PCDHGB3: variants seen among roughly 807,000 people sequenced by gnomAD.
PCDHGB3 encodes protocadherin gamma subfamily B, 3.
PCDHGB3 carries 40 observed loss-of-function variants against 59.2 expected under a neutral mutation model. That is an observed-to-expected ratio of 0.68 (90% CI 0.52 to 0.88). PCDHGB3 has a LOEUF of 0.88. PCDHGB3 is among the 40% of genes least tolerant of loss of function. The pLI is 0.00. For missense variants in PCDHGB3, 1,309 were observed against 1,187.9 expected, an observed-to-expected ratio of 1.10 and a Z score of -1.50; for synonymous variants, 581 against 503.6, an observed-to-expected ratio of 1.15 and a Z score of -2.06.
At chr5:141,393,709 G>A (rs941272065) in intron 1 of PCDHGB3, 14 of 1,613,826 alleles carry the variant, frequency 8.7e-6, no homozygotes, top group Non-Finnish European at 9.3e-6. Context: ...GAAAATACTG[G>A]GGAAATATCA....
At chr5:141,427,092 G>T in intron 1 of PCDHGB3, 1 of 458,134 alleles carries the variant, frequency 2.2e-6, no homozygotes, top group Non-Finnish European at 4.4e-6. Flanking sequence ...CCAGGATGAG[G>T]GTGTCAATGC....
At chr5:141,441,736 T>C in intron 1 of PCDHGB3, 1 of 365,328 alleles carries the variant, frequency 2.7e-6, no homozygotes. Flanking sequence ...CAGGACTAGC[T>C]CGCGCTCGGC....
At chr5:141,437,338 C>T (rs1328789308) in intron 1 of PCDHGB3, among the ~76,000 whole-genome samples, 1 of 152,196 alleles carries the variant, frequency 6.6e-6, no homozygotes, top group Non-Finnish European at 1.5e-5. Flanking sequence ...TGTAGCTTCA[C>T]TGTTTTATAG....
At chr5:141,399,464 C>T (rs747827208) in intron 1 of PCDHGB3, 4 of 1,614,018 alleles carry the variant, frequency 2.5e-6, no homozygotes, top group South Asian at 1.1e-5. Flanking sequence ...GATAACGCTC[C>T]GGTTTTCCAC....
chr5:141,484,230 G>A (rs1325484143), intron 1 of PCDHGB3, among the ~76,000 whole-genome samples: 2 of 152,174 alleles, frequency 1.3e-5, no homozygotes, highest in Non-Finnish European at 2.9e-5. Flanking sequence ...CAGGTAAAGA[G>A]ATCTGGTCCT....
chr5:141,438,627 TATATATATACACACAC>T (rs1396288881), intron 1 of PCDHGB3, among the ~76,000 whole-genome samples: 69 of 48,002 alleles, frequency 1.4e-3, no homozygotes, highest in Admixed American at 2.8e-3. Flanking sequence ...TATATATATA[TATATATATACACACAC>T]ACACACACAT....
In PCDHGB3 at chr5:141,481,831, G is replaced by A. The variant is rs35816779; in HGVS notation, c.2416-12976G>A. On this transcript the variant is annotated intron_variant, in intron 1 of 3. Coordinates refer to ENST00000576222, the MANE Select transcript of PCDHGB3 (RefSeq NM_018924.5). ...ACCAGGCGTGGTGGCTGAGGCAGGAGAATCGCTTGATGGTGGAGGTTGCAG... is the reference window on the plus strand; with the variant it reads ...ACCAGGCGTGGTGGCTGAGGCAGGAAAATCGCTTGATGGTGGAGGTTGCAG... Among the ~76,000 whole-genome samples the A allele has an allele frequency of 1.9e-3, 280 of 149,560 alleles. 1 individual carries two copies. The highest frequency in any genetic ancestry group is 0.01 in the Middle Eastern group (3 of 290).
At chr5:141,457,125 C>T (rs1011977795) in intron 1 of PCDHGB3, among the ~76,000 whole-genome samples, 3 of 152,236 alleles carry the variant, frequency 2.0e-5, no homozygotes, top group Admixed American at 6.5e-5. Flanking sequence ...GCAATGGAAA[C>T]TCTGTCCAAT....
At chr5:141,408,917 C>T (rs549266523) in intron 1 of PCDHGB3, 2 of 1,613,248 alleles carry the variant, frequency 1.2e-6, no homozygotes, top group Non-Finnish European at 8.5e-7. Context: ...CAATGATAAC[C>T]CCCCGGTTTT....
At chr5:141,418,901 A>G in intron 1 of PCDHGB3, 1 of 1,614,016 alleles carries the variant, frequency 6.2e-7, no homozygotes, top group East Asian at 2.2e-5. Context: ...CCCAGAAATA[A>G]TCATCACGTC....
chr5:141,426,094 G>C (rs2096914562), intron 1 of PCDHGB3, among the ~76,000 whole-genome samples: 1 of 152,350 alleles, frequency 6.6e-6, no homozygotes, highest in African/African-American at 2.4e-5. Flanking sequence ...ACGATATTCT[G>C]TTCAGTCACA....
intron 1 of PCDHGB3, chr5:141,393,269 T>C (rs1481759237): frequency 1.2e-6 from 2 of 1,613,832 alleles, no homozygotes; most frequent in Non-Finnish European, 1.7e-6. Flanking sequence ...GAGCACGTTA[T>C]CCACTCCCAG....
At chr5:141,423,977 G>A in intron 1 of PCDHGB3, 4 of 1,121,548 alleles carry the variant, frequency 3.6e-6, no homozygotes, top group Non-Finnish European at 4.4e-6. Context: ...ATCAGTGTAT[G>A]AGGCTCTCAA....
At chr5:141,425,069 A>G (rs771114613) in intron 1 of PCDHGB3, among the ~76,000 whole-genome samples, 1 of 152,170 alleles carries the variant, frequency 6.6e-6, no homozygotes. Context: ...GACAAAAATA[A>G]TTTCAACTGT....
chr5:141,394,152 G>A lies in PCDHGB3; in HGVS notation c.2415+21343G>A, dbSNP rs141035845. 5.0e-3 allele frequency: 8,040 copies of A among 1,613,782 alleles called. 48 individuals are homozygous for A. Among genetic ancestry groups the A allele is most frequent in the Admixed American group, 9.4e-3 (566 of 59,984 alleles). On this transcript the variant is annotated intron_variant, in intron 1 of 3. Coordinates refer to ENST00000576222, the MANE Select transcript of PCDHGB3 (RefSeq NM_018924.5). ...CGCTCTGCACGTGGCAGACATTAAC[G>A]ACAACCCTCCTACTTTCCCTCATGC...
At chr5:141,418,530 G>C in intron 1 of PCDHGB3, 1 of 1,613,952 alleles carries the variant, frequency 6.2e-7, no homozygotes, top group Non-Finnish European at 8.5e-7. Flanking sequence ...CCCCGAAGCG[G>C]TACTGCTCAG....
intron 1 of PCDHGB3, chr5:141,404,933 A>C (rs2094586796): frequency 6.2e-7 from 1 of 1,613,764 alleles, no homozygotes; most frequent in Non-Finnish European, 8.5e-7. Flanking sequence ...TGTCACGCTC[A>C]CAGTAGCCAT....
At chr5:141,445,573 A>G (rs1311326050) in intron 1 of PCDHGB3, among the ~76,000 whole-genome samples, 1 of 152,248 alleles carries the variant, frequency 6.6e-6, no homozygotes, top group Admixed American at 6.5e-5. Flanking sequence ...AGCTTATAGT[A>G]GGGAAGCTTC....
chr5:141,483,904 T>A (rs11750647), intron 1 of PCDHGB3, among the ~76,000 whole-genome samples: 24,531 of 151,676 alleles, frequency 0.16, 2,105 homozygotes, highest in African/African-American at 0.21. Context: ...CTCTGGTGTG[T>A]TTCCCACTCA....
Sources: allele counts gnomAD v4.1 joint callset (sites outside exome capture counted in the v4.1 genomes callset), GRCh38; gene constraint gnomAD v4.1.1; transcripts MANE v1.5; gene names NCBI Gene and HGNC (gene_info 2026-07-23, HGNC 2026-07-21).